EIF2AK3: variants seen among roughly 807,000 people sequenced by gnomAD.
EIF2AK3 encodes the protein eukaryotic translation initiation factor 2 alpha kinase 3.
Under a neutral mutation model 113.5 loss-of-function variants are expected in EIF2AK3, and 50 were observed. The ratio of observed to expected loss-of-function variants is 0.44; its 90% CI spans 0.35 to 0.56. The LOEUF is 0.56. EIF2AK3 is among the 20% of genes least tolerant of loss of function. EIF2AK3 has a pLI of 0.00. For missense variants in EIF2AK3, 1,185 were observed against 1,378.0 expected (o/e 0.86, Z 2.22); for synonymous variants, 448 against 495.4 (o/e 0.90, Z 1.27).
intron 1 of EIF2AK3, among the ~76,000 whole-genome samples, chr2:88,626,273 C>A (rs1052703832): frequency 6.6e-6 from 1 of 152,320 alleles, no homozygotes; most frequent in Non-Finnish European, 1.5e-5. Context: ...AAGAACCTAA[C>A]CATGGCTCTT....
intron 1 of EIF2AK3, among the ~76,000 whole-genome samples, chr2:88,626,020 C>G (rs951770030): frequency 1.3e-5 from 2 of 152,000 alleles, no homozygotes; most frequent in African/African-American, 4.8e-5. Context: ...ATCCAGAGCC[C>G]AGCCTTCCCT....
Position 88,613,733 on chromosome 2 carries a change from G to A in EIF2AK3, c.429C>T (p.Ser143=). The A allele has an allele frequency of 6.2e-7, 1 of 1,614,010 alleles. No homozygotes were observed. The highest frequency in any genetic ancestry group is 8.5e-7 in the Non-Finnish European group (1 of 1,179,924). ...AACAGAAAATTCTTACCTCTGGTTT[G>A]CTAAGGCTGGATGACACCAAGGAAC... is the stretch of plus-strand genomic sequence containing the variant. ...GSGSLVSSSL[S]KPEVFGNKMI... Residue 143 remains serine, a synonymous_variant, in exon 2 of 17, where the codon AGC becomes AGT. Transcript: ENST00000303236.
At chr2:88,595,337 A>AT (rs1674992143) in intron 3 of EIF2AK3, 132 bp downstream of exon 3, 1 of 891,404 alleles carries the variant, frequency 1.1e-6, no homozygotes, top group Non-Finnish European at 1.8e-6. Flanking sequence ...CAGTTCTCTT[A>AT]TTAAAACAAA....
intron 10 of EIF2AK3, among the ~76,000 whole-genome samples, chr2:88,580,823 A>G (rs547199716): frequency 1.3e-5 from 2 of 152,168 alleles, no homozygotes; most frequent in Non-Finnish European, 2.9e-5. Flanking sequence ...ATAGATTTCA[A>G]CGTTCCATGG....
Position 88,586,039 on chromosome 2 carries a change from G to C in EIF2AK3, c.1452C>G (p.Tyr484Ter). 6.2e-7 allele frequency: 1 copy of C among 1,613,922 alleles called. No individual in the cohort carries two copies. Among genetic ancestry groups the C allele is most frequent in the Non-Finnish European group, 8.5e-7 (1 of 1,179,880 alleles). The change falls in exon 9 of 17, where the codon TAC becomes TAG. Residue 484 changes from tyrosine to a stop codon, truncating the protein, a stop_gained. Transcript: ENST00000303236. LOFTEE classifies it high-confidence loss of function. Reference sequence around the variant, plus strand: ...TTCGTTTGTTCCTCTCCCTCTTGTAGTATGGTAGATAATAACCATTATCTT... The same window carrying C: ...TTCGTTTGTTCCTCTCCCTCTTGTACTATGGTAGATAATAACCATTATCTT... ...YPYDNGYYLP[Y>*]YKRERNKRST...
intron 2 of EIF2AK3, among the ~76,000 whole-genome samples, chr2:88,604,920 G>GAAAGATGTAAGTAC (rs1362446517): frequency 6.6e-6 from 1 of 152,308 alleles, no homozygotes; most frequent in East Asian, 1.9e-4. Context: ...TGGAAAGAGG[G>GAAAGATGTAAGTAC]AAAGATGTAA....
rs765112357 is a variant in EIF2AK3, at chr2:88,590,975, G to C, written c.845C>G (p.Thr282Ser). 4 of 1,614,086 alleles carry C rather than the reference G, an allele frequency of 2.5e-6. No individual in the cohort carries two copies. In the South Asian group the frequency reaches 3.3e-5, roughly 13 times the overall value. The part of the protein sequence containing the change: ...METRAGFIES[T>S]FKPNENTEES... ...TTCTGTGTTCTCATTGGGCTTAAAGGTGCTTTCAATAAATCCGGCTCTCGT... is the reference window on the plus strand; with the variant it reads ...TTCTGTGTTCTCATTGGGCTTAAAGCTGCTTTCAATAAATCCGGCTCTCGT... The change falls in exon 5 of 17, where the codon ACC becomes AGC. Residue 282 changes from threonine to serine, a missense_variant. Physicochemically the swap from Thr to Ser is moderately conservative, Grantham distance 58. Around this residue, in one of 3 missense-constraint regions of EIF2AK3, gnomAD observed 877 missense variants for 1,024.2 expected, o/e 0.86. Coordinates refer to ENST00000303236, the MANE Select transcript of EIF2AK3 (RefSeq NM_004836.7).
chr2:88,567,869 T>C (rs1203000965), intron 14 of EIF2AK3, among the ~76,000 whole-genome samples: 1 of 152,238 alleles, frequency 6.6e-6, no homozygotes, highest in Non-Finnish European at 1.5e-5. Flanking sequence ...TGTATATCTA[T>C]CTTTTCCTCC....
At chr2:88,590,100 T>G (rs1005954324) in intron 6 of EIF2AK3, among the ~76,000 whole-genome samples, 3 of 152,102 alleles carry the variant, frequency 2.0e-5, no homozygotes, top group African/African-American at 4.8e-5. Flanking sequence ...CTGGGCATGG[T>G]GGCAGGTGCC....
intron 1 of EIF2AK3, among the ~76,000 whole-genome samples, chr2:88,619,390 A>G (rs897071484): frequency 6.6e-6 from 1 of 152,112 alleles, no homozygotes; most frequent in African/African-American, 2.4e-5. Flanking sequence ...CTTCACCTCC[A>G]TCTATAGTAT....
chr2:88,583,390 C>T, intron 10 of EIF2AK3, 40 bp downstream of exon 10: 1 of 1,506,332 alleles, frequency 6.6e-7, no homozygotes. Flanking sequence ...TAGGTCATTT[C>T]TTCTTTGATT....
At chr2:88,591,244 T>C (rs1674882311) in intron 4 of EIF2AK3, among the ~76,000 whole-genome samples, 192 bp from the exon 5 acceptor site, 1 of 152,190 alleles carries the variant, frequency 6.6e-6, no homozygotes. Flanking sequence ...TCCTGACCCT[T>C]CAGACACAAT....
At chr2:88,582,574 G>A (rs115176178) in intron 10 of EIF2AK3, among the ~76,000 whole-genome samples, 2,315 of 152,264 alleles carry the variant, frequency 0.015, 33 homozygotes, top group Non-Finnish European at 0.021. Context: ...ATTGTCACAA[G>A]TATTTCCTTA....
At position 88,627,332 on chromosome 2, in the gene EIF2AK3, G is replaced by A; in HGVS notation, c.-58C>T. The A allele has an allele frequency of 1.4e-6, 2 of 1,429,856 alleles. No individual in the cohort carries two copies. The highest frequency in any genetic ancestry group is 1.4e-5 in the South Asian group (1 of 73,468). 88.6% of individuals were successfully genotyped at this position (1,429,856 alleles called of 1,614,324 possible). A position where few individuals can be genotyped will look rare whatever the true frequency, so the allele number is the denominator to read the frequency against. On this transcript the variant is annotated 5_prime_UTR_variant, in exon 1 of 17. Coordinates refer to ENST00000303236, the MANE Select transcript of EIF2AK3 (RefSeq NM_004836.7). ...GCAGCCACTGACGCCTGCCTCTCCCGCCGCTTGGAGCTCCCAAGAAGGCAA... is the reference window on the plus strand; with the variant it reads ...GCAGCCACTGACGCCTGCCTCTCCCACCGCTTGGAGCTCCCAAGAAGGCAA...
chr2:88,622,348 C>T (rs1404041187), intron 1 of EIF2AK3, among the ~76,000 whole-genome samples: 3 of 152,174 alleles, frequency 2.0e-5, no homozygotes, highest in Non-Finnish European at 2.9e-5. Context: ...ATAAGAAGTT[C>T]CCCTCTTACA....
In EIF2AK3 at chr2:88,585,857, T is replaced by C; in HGVS notation, c.1634A>G (p.His545Arg). The C allele has an allele frequency of 6.2e-7, 1 of 1,613,740 alleles. No homozygotes were observed. The highest frequency in any genetic ancestry group is 8.5e-7 in the Non-Finnish European group (1 of 1,179,714). ...ATTFIVRRLF[H>R]PHPHRQRKES... ...GATTCTTACCCTGTGAGGATGAGGA[T>C]GGAAAAGCCTGCGCACAATAAACGT... Residue 545 changes from histidine to arginine, a missense_variant, in exon 9 of 17, where the codon CAT becomes CGT. His to Arg is a conservative substitution (Grantham distance 29). This residue lies in a region of EIF2AK3 where 877 missense variants were observed against 1,024.2 expected (regional missense o/e 0.86). Coordinates refer to ENST00000303236, the MANE Select transcript of EIF2AK3 (RefSeq NM_004836.7).
chr2:88,602,166 T>A (rs1675168037), intron 2 of EIF2AK3, among the ~76,000 whole-genome samples: 1 of 152,134 alleles, frequency 6.6e-6, no homozygotes, highest in Admixed American at 6.6e-5. Context: ...AGGATTTTTC[T>A]ATAAAGAACT....
At chr2:88,600,589 T>G (rs1675127077) in intron 2 of EIF2AK3, among the ~76,000 whole-genome samples, 1 of 152,180 alleles carries the variant, frequency 6.6e-6, no homozygotes, top group Non-Finnish European at 1.5e-5. Context: ...ACTCCCAGAG[T>G]CTATCTGTGT....
At position 88,627,291 on chromosome 2, in the gene EIF2AK3, G is replaced by C. The variant is rs755314163; in HGVS notation, c.-17C>G. ...GCGCTCCATCAGCGTCCCGCCCCGCGCGCAGGCATGGAGGCGCAGCCACTG... is the reference window on the plus strand; with the variant it reads ...GCGCTCCATCAGCGTCCCGCCCCGCCCGCAGGCATGGAGGCGCAGCCACTG... On this transcript the variant is annotated 5_prime_UTR_variant, in exon 1 of 17. Transcript: ENST00000303236. The C allele has an allele frequency of 1.0e-4, 155 of 1,481,276 alleles. No homozygotes were observed. Among genetic ancestry groups the C allele is most frequent in the Non-Finnish European group, 1.3e-4 (150 of 1,120,866 alleles). The allele number at this position is 1,481,276 out of a possible 1,614,324, so 91.8% of individuals were successfully genotyped here. A position where few individuals can be genotyped will look rare whatever the true frequency, so the allele number is the denominator to read the frequency against.
Sources: gnomAD v4.1 joint callset for allele counts (sites outside exome capture counted in the v4.1 genomes callset) on GRCh38, gnomAD v4.1.1 for gene constraint, gnomAD v4.1.1 regional missense constraint, MANE v1.5 for transcripts, NCBI Gene and HGNC (gene_info 2026-07-23, HGNC 2026-07-21) for gene names.